The following SV2B variants were observed in gnomAD, a reference collection of about 807,000 sequenced individuals.
SV2B encodes the protein synaptic vesicle glycoprotein 2B.
SV2B carries 41 observed loss-of-function variants against 73.9 expected under a neutral mutation model. That is an observed-to-expected ratio of 0.56 (90% CI 0.43 to 0.72). The LOEUF (loss-of-function observed/expected upper bound fraction) is 0.72. Ranked by LOEUF, SV2B falls within the 30% of genes least tolerant of loss-of-function variation. The probability of loss-of-function intolerance (pLI) is 0.00; values close to 1 mark genes in which losing one functional copy is unlikely to be tolerated. For missense variants in SV2B, 764 were observed against 857.8 expected (o/e 0.89, Z 1.37); for synonymous variants, 314 against 314.2 (o/e 1.00, Z 0.01).
chr15:91,234,857 C>G lies in SV2B; in HGVS notation c.451+8143C>G, dbSNP rs1243030090. On this transcript the variant is annotated intron_variant, in intron 2 of 12. Transcript: ENST00000394232. The surrounding 1 kb of genome is among the most constrained non-coding windows in gnomAD (Gnocchi z 5.6). ...TGTGCATTGGGGAAAGGAAAATAGT[C>G]AGACCTTTTGAAGATACTTGCTCTG... 2.0e-5 allele frequency among the ~76,000 whole-genome samples: 3 copies of G among 152,284 alleles called. No homozygotes were observed. Among genetic ancestry groups the G allele is most frequent in the East Asian group, 3.9e-4 (2 of 5,186 alleles).
chr15:91,104,417 G>A (rs73503149), intron 1 of SV2B, among the ~76,000 whole-genome samples: 287 of 152,278 alleles, frequency 1.9e-3, no homozygotes, highest in African/African-American at 6.0e-3. Flanking sequence ...GGCCTCTTGA[G>A]GCCTAAGCTG....
Position 91,119,866 on chromosome 15 carries a change from T to C in SV2B, c.-392+19503T>C, listed in dbSNP as rs1776111039. On this transcript the variant is annotated intron_variant, in intron 1 of 12. Transcript: ENST00000394232. The stretch of plus-strand genomic sequence containing the variant: ...TTGAGCACTTTTATTTATTGACTGA[T>C]TGTATGTCCCCTTCTAAACATTGTT... Among the ~76,000 whole-genome samples, 2 of 152,260 alleles carry C rather than the reference T, an allele frequency of 1.3e-5. 1 individual carries two copies. The highest frequency in any genetic ancestry group is 1.3e-4 in the Admixed American group (2 of 15,290).
At chr15:91,208,804 C>G (rs2045738797) in intron 1 of SV2B, among the ~76,000 whole-genome samples, 1 of 152,166 alleles carries the variant, frequency 6.6e-6, no homozygotes, top group Non-Finnish European at 1.5e-5. Context: ...CTCACTCACA[C>G]TCATCTCCTT....
chr15:91,188,487 T>A (rs2044867412), intron 1 of SV2B, among the ~76,000 whole-genome samples: 1 of 151,982 alleles, frequency 6.6e-6, no homozygotes, highest in Non-Finnish European at 1.5e-5. Flanking sequence ...CTAATTTTTT[T>A]TGTATTTTTA....
rs113991291 is a variant in SV2B, at chr15:91,168,301, CGAGA to C, written c.-391-57545_-391-57542del. 5.9e-3 allele frequency among the ~76,000 whole-genome samples: 805 copies of C among 137,244 alleles called. 4 individuals are homozygous for C. Among genetic ancestry groups the C allele is most frequent in the African/African-American group, 0.018 (646 of 36,022 alleles). 90.0% of individuals were successfully genotyped at this position (137,244 alleles called of 152,430 possible). A position where few individuals can be genotyped will look rare whatever the true frequency, so the allele number is the denominator to read the frequency against. ...TACCTTTGGGCAAAATGGTGAGATA[CGAGA>C]GAGAGAGAGAGAGAGAGAGAGAGAG... On this transcript the variant is annotated intron_variant, in intron 1 of 12. Transcript: ENST00000394232.
At chr15:91,198,914 G>C (rs1299668869) in intron 1 of SV2B, among the ~76,000 whole-genome samples, 1 of 152,216 alleles carries the variant, frequency 6.6e-6, no homozygotes, top group South Asian at 2.1e-4. Context: ...AGAATCTCCT[G>C]TGTGTGGTTT....
At chr15:91,247,682 A>G (rs185345462) in intron 2 of SV2B, among the ~76,000 whole-genome samples, 30 of 152,272 alleles carry the variant, frequency 2.0e-4, no homozygotes, top group Admixed American at 9.2e-4. Flanking sequence ...CTATCTAGAA[A>G]GGAATTGCTG....
intron 1 of SV2B, among the ~76,000 whole-genome samples, chr15:91,199,976 C>G (rs557368968): frequency 6.6e-6 from 1 of 152,206 alleles, no homozygotes; most frequent in Non-Finnish European, 1.5e-5. Context: ...CAAGCTCCTA[C>G]AGCTCAGGGC....
At chr15:91,174,335 T>TA (rs1447951978) in intron 1 of SV2B, among the ~76,000 whole-genome samples, 2 of 152,246 alleles carry the variant, frequency 1.3e-5, no homozygotes, top group Non-Finnish European at 2.9e-5. Context: ...GGGTTGGTAA[T>TA]TAGACTTTGC....
intron 1 of SV2B, among the ~76,000 whole-genome samples, chr15:91,207,997 A>G (rs74734621): frequency 0.025 from 3,821 of 152,224 alleles, 145 homozygotes; most frequent in African/African-American, 0.079. Flanking sequence ...GTGGAATTCT[A>G]GTGTCTGTGG....
At chr15:91,198,989 G>T (rs77513117) in intron 1 of SV2B, among the ~76,000 whole-genome samples, 2,461 of 152,252 alleles carry the variant, frequency 0.016, 67 homozygotes, top group African/African-American at 0.054. Context: ...AATTTATTTT[G>T]AATATAAATA....
chr15:91,272,199 G>C (rs532657735), intron 9 of SV2B, among the ~76,000 whole-genome samples: 5 of 152,110 alleles, frequency 3.3e-5, no homozygotes, highest in Non-Finnish European at 5.9e-5. Flanking sequence ...GTGAGTTTTT[G>C]GAAAGTGCAA....
chr15:91,282,270 A>G (rs1416703164), intron 10 of SV2B, among the ~76,000 whole-genome samples: 1 of 152,242 alleles, frequency 6.6e-6, no homozygotes, highest in African/African-American at 2.4e-5. Flanking sequence ...AAAATGCAAG[A>G]CTCATGTTCT....
rs2042611274 is a variant in SV2B, at chr15:91,130,594, C to T, written c.-392+30231C>T. Among the ~76,000 whole-genome samples the T allele has an allele frequency of 6.6e-6, 1 of 152,072 alleles. No homozygotes were observed. Among genetic ancestry groups the T allele is most frequent in the African/African-American group, 2.4e-5 (1 of 41,402 alleles). The stretch of plus-strand genomic sequence containing the variant: ...TCAGAGATTCCAAAGCAGGAGGGGT[C>T]TGACCAAGTAGGTGTTCACGGAGGA... On this transcript the variant is annotated intron_variant, in intron 1 of 12. Coordinates refer to ENST00000394232, the MANE Select transcript of SV2B (RefSeq NM_001323032.3). This position sits in a 1 kb window ranked among gnomAD's most constrained non-coding sequence, Gnocchi z 5.6.
chr15:91,109,166 G>C (rs969675507), intron 1 of SV2B, among the ~76,000 whole-genome samples: 8 of 152,224 alleles, frequency 5.3e-5, no homozygotes, highest in Non-Finnish European at 1.0e-4. Flanking sequence ...AGAAATGACA[G>C]ACAAAAGTAC....
At chr15:91,171,421 A>G (rs1444398566) in intron 1 of SV2B, among the ~76,000 whole-genome samples, 1 of 152,212 alleles carries the variant, frequency 6.6e-6, no homozygotes, top group East Asian at 1.9e-4. Flanking sequence ...AGTTGGTGGC[A>G]CATGTGTCTT....
rs866218039 is a variant in SV2B, at chr15:91,245,347, T to G, written c.452-6472T>G. On this transcript the variant is annotated intron_variant, in intron 2 of 12. Coordinates refer to ENST00000394232, the MANE Select transcript of SV2B (RefSeq NM_001323032.3). The surrounding 1 kb of genome is among the most constrained non-coding windows in gnomAD (Gnocchi z 4.2). ...AAAATATTCTTTGCTGAGTTGTTTA[T>G]TAAGTGAAAAGCTAGACTATGAAGC... Among the ~76,000 whole-genome samples the G allele has an allele frequency of 2.0e-5, 3 of 152,244 alleles. No individual in the cohort carries two copies. Among genetic ancestry groups the G allele is most frequent in the Admixed American group, 1.3e-4 (2 of 15,286 alleles).
At chr15:91,155,259 A>G (rs543488951) in intron 1 of SV2B, among the ~76,000 whole-genome samples, 1 of 152,258 alleles carries the variant, frequency 6.6e-6, no homozygotes, top group East Asian at 1.9e-4. Context: ...GGTGTAAGGA[A>G]TGGAATCCTT....
chr15:91,292,569 G>T lies in SV2B; in HGVS notation c.*17G>T. On this transcript the variant is annotated 3_prime_UTR_variant, in exon 13 of 13. Coordinates refer to ENST00000394232, the MANE Select transcript of SV2B (RefSeq NM_001323032.3). ...CTGATGTGAACAACCTATGGGAAAA[G>T]GAAAGGTCGAGAGAATCTTGTCCAG... 6.2e-7 allele frequency: 1 copy of T among 1,603,970 alleles called. No individual in the cohort carries two copies. The highest frequency in any genetic ancestry group is 1.7e-5 in the Admixed American group (1 of 58,428).
Sources: gnomAD v4.1 joint callset for allele counts (sites outside exome capture counted in the v4.1 genomes callset) on GRCh38, gnomAD v4.1.1 for gene constraint, Gnocchi (gnomAD v3.1) non-coding constraint, MANE v1.5 for transcripts, NCBI Gene and HGNC (gene_info 2026-07-23, HGNC 2026-07-21) for gene names.